Variants in PAIP1 observed in about 807,000 individuals in gnomAD.
PAIP1 encodes polyadenylate-binding protein-interacting protein 1.
Under a neutral mutation model 61.3 loss-of-function variants are expected in PAIP1, and 16 were observed. That is an observed-to-expected ratio of 0.26 (90% confidence interval 0.18 to 0.40). The LOEUF is 0.40. PAIP1 is among the 10% of genes least tolerant of loss of function. PAIP1 has a pLI of 1.00. For missense variants in PAIP1, 416 were observed against 600.9 expected, an observed-to-expected ratio of 0.69 and a Z score of 3.22; for synonymous variants, 187 against 226.2, an observed-to-expected ratio of 0.83 and a Z score of 1.56.
intron 4 of PAIP1, among the ~76,000 whole-genome samples, chr5:43,541,193 C>T (rs1318203706): frequency 5.3e-4 from 1 of 1,892 alleles, no homozygotes; most frequent in Non-Finnish European, 1.3e-3. Flanking sequence ...GGCGCGATCT[C>T]TGCTCACTGC....
chr5:43,533,716 GA>G (rs1194783315), intron 9 of PAIP1, 21 bp downstream of exon 9: 1 of 1,473,920 alleles, frequency 6.8e-7, no homozygotes, highest in East Asian at 2.3e-5. Context: ...TGGGAGGAGG[GA>G]ATGACTGTGA....
At chr5:43,542,231 T>C (rs1747443837) in intron 4 of PAIP1, among the ~76,000 whole-genome samples, 1 of 146,146 alleles carries the variant, frequency 6.8e-6, no homozygotes, top group Non-Finnish European at 1.5e-5. Flanking sequence ...CCTAAGATAT[T>C]TTTAAAAATG....
At chr5:43,539,981 G>A (rs1747330391) in intron 4 of PAIP1, among the ~76,000 whole-genome samples, 1 of 152,188 alleles carries the variant, frequency 6.6e-6, no homozygotes, top group Non-Finnish European at 1.5e-5. Flanking sequence ...TCAAGACAAA[G>A]GGAAAAGCTA....
intron 3 of PAIP1, among the ~76,000 whole-genome samples, chr5:43,547,492 A>C (rs1747687161): frequency 6.6e-6 from 1 of 152,166 alleles, no homozygotes; most frequent in South Asian, 2.1e-4. Flanking sequence ...TAAACAGGTG[A>C]ATATTACCTA....
Position 43,543,121 on chromosome 5 carries a change from T to C in PAIP1, c.622-5A>G. The C allele has an allele frequency of 6.8e-7, 1 of 1,461,012 alleles. No homozygotes were observed. Among genetic ancestry groups the C allele is most frequent in the Non-Finnish European group, 9.6e-7 (1 of 1,042,602 alleles). The allele number at this position is 1,461,012 out of a possible 1,614,324, so 90.5% of individuals were successfully genotyped here. The stretch of plus-strand genomic sequence containing the variant: ...GAAATTTGGGATAGATGTGGCCTTT[T>C]AAAAAGAAGAAAAGTGTTATATGAC... On this transcript the variant is annotated splice_polypyrimidine_tract_variant and splice_region_variant and intron_variant, in intron 3 of 10. Coordinates refer to ENST00000306846, the MANE Select transcript of PAIP1 (RefSeq NM_006451.5).
intron 2 of PAIP1, among the ~76,000 whole-genome samples, chr5:43,552,216 A>G (rs1366399498): frequency 1.3e-5 from 2 of 152,220 alleles, no homozygotes; most frequent in Non-Finnish European, 2.9e-5. Flanking sequence ...GCTGGATTGA[A>G]TTAAGGCAAG....
At chr5:43,539,160 T>C (rs1298967952) in intron 4 of PAIP1, 125 bp from the exon 5 acceptor site, 3 of 631,650 alleles carry the variant, frequency 4.7e-6, no homozygotes, top group South Asian at 3.9e-5. Flanking sequence ...ATGCTCTTTC[T>C]ACAATAAAGA....
At chr5:43,535,963 C>A (rs560670822) in intron 6 of PAIP1, among the ~76,000 whole-genome samples, 4 of 138,658 alleles carry the variant, frequency 2.9e-5, no homozygotes, top group Non-Finnish European at 4.6e-5. Flanking sequence ...ATACAGCAAG[C>A]AACAAGTATA....
chr5:43,529,083 G>A (rs1316245298), intron 10 of PAIP1, among the ~76,000 whole-genome samples: 2 of 149,830 alleles, frequency 1.3e-5, no homozygotes, highest in Non-Finnish European at 3.0e-5. Flanking sequence ...GCCTTCTACT[G>A]TGTGCCGGAA....
chr5:43,539,278 TA>T (rs2112394407), intron 4 of PAIP1, among the ~76,000 whole-genome samples: 1 of 96 alleles, frequency 0.01, no homozygotes, highest in South Asian at 0.12. Flanking sequence ...TTATCAAATT[TA>T]ATATGTTTAA....
chr5:43,555,915 T>C lies in PAIP1; in HGVS notation c.350A>G (p.Gln117Arg), dbSNP rs892183888. The change falls in exon 2 of 11, where the codon CAG becomes CGG. Residue 117 changes from glutamine (Q) to arginine (R), a missense_variant. By Grantham distance (43) the Gln-to-Arg change is conservative (BLOSUM62 1). Around this residue, in one of 4 missense-constraint regions of PAIP1, gnomAD observed 180 missense variants for 211.2 expected, o/e 0.85. Coordinates refer to ENST00000306846, the MANE Select transcript of PAIP1 (RefSeq NM_006451.5). ...QNSESAMAKPQVVVAPVLMSK... is the reference protein window; with the variant it reads ...QNSESAMAKPRVVVAPVLMSK... The stretch of plus-strand genomic sequence containing the variant: ...CATTAATACAGGAGCTACAACCACC[T>C]GGGGCTTAGCCATTGCTGACTCCGA... The C allele has an allele frequency of 5.6e-6, 9 of 1,613,914 alleles. No homozygotes were observed. The highest frequency in any genetic ancestry group is 7.6e-6 in the Non-Finnish European group (9 of 1,179,808).
At chr5:43,555,683 TTC>T (rs1302386982) in intron 2 of PAIP1, 145 bp downstream of exon 2, 27 of 594,272 alleles carry the variant, frequency 4.5e-5, no homozygotes, top group African/African-American at 3.8e-4. Context: ...CTTTGTTTCC[TTC>T]TGAGTTCAAT....
chr5:43,533,895 T>C (rs1747043677), intron 8 of PAIP1, 103 bp from the exon 9 acceptor site: 5 of 720,302 alleles, frequency 6.9e-6, no homozygotes, highest in Middle Eastern at 5.3e-4. Flanking sequence ...CACCTAATAA[T>C]GCAAGAACAA....
chr5:43,556,628 C>T lies in PAIP1; in HGVS notation c.219G>A (p.Glu73=). Residue 73 remains glutamate (E), a synonymous_variant, in exon 1 of 11, where the codon GAG becomes GAA. Transcript: ENST00000306846. The part of the protein sequence containing the change: ...RTTPPPGAQC[E]VPASPQRPSR... ...AAGGCCGCTGGGGGCTGGCGGGGAC[C>T]TCGCACTGGGCCCCTGGCGGCGGGG... is the stretch of plus-strand genomic sequence containing the variant. 2.9e-5 allele frequency: 36 copies of T among 1,262,184 alleles called. No individual in the cohort carries two copies. The highest frequency in any genetic ancestry group is 3.6e-5 in the Non-Finnish European group (36 of 1,001,794). The allele number at this position is 1,262,184 out of a possible 1,614,324, so 78.2% of individuals were successfully genotyped here. A position where few individuals can be genotyped will look rare whatever the true frequency, so the allele number is the denominator to read the frequency against.
intron 10 of PAIP1, among the ~76,000 whole-genome samples, chr5:43,528,695 T>C (rs1195757613): frequency 1.3e-5 from 2 of 151,884 alleles, no homozygotes; most frequent in African/African-American, 4.8e-5. Flanking sequence ...ATCACTAGAA[T>C]AAAAGTGGTT....
intron 10 of PAIP1, among the ~76,000 whole-genome samples, chr5:43,529,467 G>A (rs1252247220): frequency 3.3e-5 from 5 of 151,672 alleles, no homozygotes; most frequent in African/African-American, 9.7e-5. Flanking sequence ...GCAGTGGCAC[G>A]ATCTCGGCTC....
chr5:43,540,932 G>C (rs917636601), intron 4 of PAIP1, among the ~76,000 whole-genome samples: 2 of 151,948 alleles, frequency 1.3e-5, no homozygotes, highest in African/African-American at 4.8e-5. Flanking sequence ...CACAGCCGGG[G>C]GTGAGAAGCA....
chr5:43,557,141 G>GCC, upstream of PAIP1: 1 of 339,686 alleles, frequency 2.9e-6, no homozygotes, highest in Non-Finnish European at 4.9e-6. Context: ...GGTCACAGCG[G>GCC]CCCCCTGCGG....
intron 2 of PAIP1, among the ~76,000 whole-genome samples, chr5:43,549,073 T>C (rs148979085): frequency 0.017 from 2,565 of 152,220 alleles, 69 homozygotes; most frequent in African/African-American, 0.059. Flanking sequence ...CTCAAGTAGC[T>C]GGGATTACAG....
Sources: allele counts gnomAD v4.1 joint callset (sites outside exome capture counted in the v4.1 genomes callset), GRCh38; gene constraint gnomAD v4.1.1; regional missense constraint gnomAD v4.1.1; transcripts MANE v1.5; gene names NCBI Gene and HGNC (gene_info 2026-07-23, HGNC 2026-07-21).